The following NFILZ variants were observed in gnomAD, a reference collection of about 807,000 sequenced individuals.
NFILZ encodes the protein NFIL3 like basic leucine zipper, also known as NFIL3 like protein.
At chr19:8,636,467 CAG>C (rs1257997196) in intron 3 of NFILZ, among the ~76,000 whole-genome samples, 1 of 85,660 alleles carries the variant, frequency 1.2e-5, no homozygotes, top group Admixed American at 1.3e-4. Flanking sequence ...TTTTTTGAAA[CAG>C]AGTCTTGCTC....
chr19:8,648,111 T>C (rs1165913541), intron 3 of NFILZ, among the ~76,000 whole-genome samples: 1 of 143,442 alleles, frequency 7.0e-6, no homozygotes, highest in African/African-American at 2.6e-5. Flanking sequence ...GAGGTGGAGC[T>C]TGCAGTGAGC....
At chr19:8,648,521 A>C (rs2042952093) in intron 3 of NFILZ, among the ~76,000 whole-genome samples, 1 of 152,102 alleles carries the variant, frequency 6.6e-6, no homozygotes, top group Non-Finnish European at 1.5e-5. Context: ...ATTACTACAC[A>C]AAAAAGGCAG....
rs376755320 is a variant in NFILZ at position 8,667,225 on chromosome 19, A to G, written c.-163-7326A>G. ...CACAAACAACCCTTAGAGAGCCACA[A>G]GTGGCTCCAGGGCTCAGTTCCTGAG... On this transcript the variant is annotated intron_variant, in intron 3 of 5. Coordinates refer to ENST00000691075, the MANE Select transcript of NFILZ (RefSeq NM_001378600.1). 1.3e-3 allele frequency among the ~76,000 whole-genome samples: 192 copies of G among 152,344 alleles called. 1 individual carries two copies. The highest frequency in any genetic ancestry group is 4.4e-3 in the African/African-American group (182 of 41,572).
At chr19:8,668,655 G>A (rs1353420867) in intron 3 of NFILZ, among the ~76,000 whole-genome samples, 3 of 152,108 alleles carry the variant, frequency 2.0e-5, no homozygotes, top group Non-Finnish European at 2.9e-5. Flanking sequence ...CCTTCTGCAC[G>A]TGCATGCTTT....
chr19:8,654,805 C>G (rs1181209850), intron 3 of NFILZ, among the ~76,000 whole-genome samples: 1 of 152,186 alleles, frequency 6.6e-6, no homozygotes, highest in East Asian at 1.9e-4. Flanking sequence ...AGCCCCGCCT[C>G]GGGGTCGCAC....
Position 8,680,388 on chromosome 19 carries a change from T to C in NFILZ, c.*2753T>C, listed in dbSNP as rs1555751335. 6.7e-6 allele frequency among the ~76,000 whole-genome samples: 1 copy of C among 148,360 alleles called. No individual in the cohort carries two copies. Among genetic ancestry groups the C allele is most frequent in the East Asian group, 2.3e-4 (1 of 4,406 alleles). ...TGATCATAAGTTTCTCATTGTTTCATTTTATTCAAGGCATGTTTTGTTGTA... is the reference window on the plus strand; with the variant it reads ...TGATCATAAGTTTCTCATTGTTTCACTTTATTCAAGGCATGTTTTGTTGTA... On this transcript the variant is annotated 3_prime_UTR_variant, in exon 6 of 6. Coordinates refer to ENST00000691075, the MANE Select transcript of NFILZ (RefSeq NM_001378600.1).
At chr19:8,641,842 T>TAG (rs2042920693) in intron 3 of NFILZ, among the ~76,000 whole-genome samples, 2 of 147,166 alleles carry the variant, frequency 1.4e-5, no homozygotes, top group Non-Finnish European at 3.0e-5. Context: ...TTTTTTTTTT[T>TAG]AGAGAGAGCT....
chr19:8,674,958 GTCTT>G (rs1362333857), intron 4 of NFILZ, among the ~76,000 whole-genome samples: 2 of 151,268 alleles, frequency 1.3e-5, no homozygotes, highest in Non-Finnish European at 3.0e-5. Flanking sequence ...AAAATGTGGT[GTCTT>G]TCATGGTTTC....
intron 3 of NFILZ, among the ~76,000 whole-genome samples, chr19:8,657,348 C>T (rs2967709): frequency 0.78 from 117,850 of 151,614 alleles, 47,341 homozygotes; most frequent in Non-Finnish European, 0.89. Context: ...GTGATCCACC[C>T]GTCTCGGCCT....
chr19:8,644,263 A>G (rs1237374918), intron 3 of NFILZ, among the ~76,000 whole-genome samples: 1 of 151,592 alleles, frequency 6.6e-6, no homozygotes, highest in Non-Finnish European at 1.5e-5. Flanking sequence ...ACCATGCCCA[A>G]CTAATTTTTG....
rs1182958178 is a variant in NFILZ, at chr19:8,680,885, A to G, written c.*3250A>G. ...CTGTGCAAAGGCCCTGAGGTGGGATAGTGCCTAGTGTTTTGAGGAAGATTG... is the reference window on the plus strand; with the variant it reads ...CTGTGCAAAGGCCCTGAGGTGGGATGGTGCCTAGTGTTTTGAGGAAGATTG... On this transcript the variant is annotated 3_prime_UTR_variant, in exon 6 of 6. Transcript: ENST00000691075. Among the ~76,000 whole-genome samples, 3 of 152,094 alleles carry G rather than the reference A, an allele frequency of 2.0e-5. No homozygotes were observed. Among genetic ancestry groups the G allele is most frequent in the African/African-American group, 7.2e-5 (3 of 41,416 alleles).
intron 3 of NFILZ, among the ~76,000 whole-genome samples, chr19:8,671,836 A>G (rs1395487112): frequency 6.6e-6 from 1 of 152,186 alleles, no homozygotes; most frequent in Non-Finnish European, 1.5e-5. Context: ...TGTCCCCCCA[A>G]GACAGGGCCA....
intron 2 of NFILZ, among the ~76,000 whole-genome samples, chr19:8,633,055 C>G (rs1600136605): frequency 1.4e-5 from 2 of 139,114 alleles, no homozygotes; most frequent in African/African-American, 2.8e-5. Flanking sequence ...GAGCCTTGCT[C>G]TGTCACTCAG....
At chr19:8,666,459 G>A (rs751009466) in intron 3 of NFILZ, among the ~76,000 whole-genome samples, 6 of 151,600 alleles carry the variant, frequency 4.0e-5, no homozygotes, top group Admixed American at 6.6e-5. Flanking sequence ...ACAGGTGTGC[G>A]CCACCGTGCC....
At chr19:8,672,649 TAG>T (rs1909672592) in intron 3 of NFILZ, among the ~76,000 whole-genome samples, 1 of 152,208 alleles carries the variant, frequency 6.6e-6, no homozygotes, top group African/African-American at 2.4e-5. Flanking sequence ...ATGCATTTAT[TAG>T]TTCATGCCAA....
At chr19:8,634,198 A>G (rs1265392205) in intron 2 of NFILZ, among the ~76,000 whole-genome samples, 2 of 151,626 alleles carry the variant, frequency 1.3e-5, no homozygotes, top group South Asian at 2.1e-4. Context: ...GGGTTTCACC[A>G]TGTTGGCCAG....
rs34471220 is a variant in NFILZ at position 8,632,725 on chromosome 19, C to CTTTTT, written c.-261+111_-261+115dup. On this transcript the variant is annotated intron_variant, in intron 2 of 5. Transcript: ENST00000691075. ...CTGTGGAGTAGCCATTCTTTTATTC[C>CTTTTT]TTTTTTTTTTTTTTTGAGACGGAAT... 2.1e-5 allele frequency: 3 copies of CTTTTT among 142,094 alleles called. No individual in the cohort carries two copies. The South Asian group carries it at 6.8e-4, about 32-fold the overall frequency. The allele number at this position is 142,094 out of a possible 1,614,324, so 8.8% of individuals were successfully genotyped here.
chr19:8,640,476 G>A (rs1308421222), intron 3 of NFILZ, among the ~76,000 whole-genome samples: 1 of 152,110 alleles, frequency 6.6e-6, no homozygotes, highest in Non-Finnish European at 1.5e-5. Context: ...CTGTGAAGGG[G>A]AAGTTCACTT....
At chr19:8,653,072 C>G (rs1600145733) in intron 3 of NFILZ, among the ~76,000 whole-genome samples, 1 of 129,902 alleles carries the variant, frequency 7.7e-6, no homozygotes, top group African/African-American at 3.0e-5. Flanking sequence ...CTCTCTCTCT[C>G]TCTCTCTCTC....
Sources: gnomAD v4.1 joint callset for allele counts (sites outside exome capture counted in the v4.1 genomes callset) on GRCh38, gnomAD v4.1.1 for gene constraint, MANE v1.5 for transcripts, NCBI Gene and HGNC (gene_info 2026-07-23, HGNC 2026-07-21) for gene names.